Variants in MAGI2 observed in about 807,000 individuals in gnomAD.
The protein encoded by MAGI2 is membrane associated guanylate kinase, WW and PDZ domain containing 2, also known as membrane-associated guanylate kinase, WW and PDZ domain-containing protein 2.
MAGI2 carries 35 observed loss-of-function variants against 133.3 expected under a neutral mutation model. The ratio of observed to expected loss-of-function variants is 0.26; its 90% CI spans 0.20 to 0.35. The LOEUF is 0.35. Ranked by LOEUF, MAGI2 falls within the 10% of genes least tolerant of loss-of-function variation. MAGI2 has a pLI of 1.00. For missense variants in MAGI2, 1,636 were observed against 1,863.4 expected (o/e 0.88, Z 2.25); for synonymous variants, 729 against 710.6 (o/e 1.03, Z -0.41).
At chr7:78,830,824 A>C (rs895610485) in intron 2 of MAGI2, among the ~76,000 whole-genome samples, 2 of 152,160 alleles carry the variant, frequency 1.3e-5, no homozygotes, top group African/African-American at 4.8e-5. Context: ...CCAATTGGCA[A>C]TCTAGCTAGC....
intron 3 of MAGI2, among the ~76,000 whole-genome samples, chr7:78,525,066 T>A (rs1796834839): frequency 6.6e-6 from 1 of 152,158 alleles, no homozygotes; most frequent in Non-Finnish European, 1.5e-5. Flanking sequence ...TAACAGATCC[T>A]GCTAAATTTA....
rs1350417308 is a variant in MAGI2 at position 78,019,280 on chromosome 7, C to A, written c.*35G>T. ...GACGGAACCTAAGAAGAACTGCCTG[C>A]GCCGGGGCGGGCGGGTTGGCCGTGG... On this transcript the variant is annotated 3_prime_UTR_variant, in exon 22 of 22. Transcript: ENST00000354212. 8.9e-6 allele frequency: 14 copies of A among 1,574,220 alleles called. No individual in the cohort carries two copies. The highest frequency in any genetic ancestry group is 1.7e-4 in the Middle Eastern group (1 of 6,032).
chr7:78,086,230 T>A (rs539065686), intron 20 of MAGI2, among the ~76,000 whole-genome samples: 79 of 147,156 alleles, frequency 5.4e-4, no homozygotes, highest in African/African-American at 1.5e-3. Context: ...TTTTTTTTTT[T>A]AATTTTTAAT....
intron 2 of MAGI2, among the ~76,000 whole-genome samples, chr7:78,697,216 A>G (rs2151138391): frequency 6.6e-6 from 1 of 152,226 alleles, no homozygotes; most frequent in Non-Finnish European, 1.5e-5. Context: ...TGTCCTCTAC[A>G]TCACTGAGTT....
intron 2 of MAGI2, among the ~76,000 whole-genome samples, chr7:78,915,936 A>T (rs1180244123): frequency 1.3e-5 from 2 of 152,082 alleles, no homozygotes; most frequent in South Asian, 4.1e-4. Flanking sequence ...AATTATGTGG[A>T]TATCTGGGGA....
intron 1 of MAGI2, chr7:79,353,750 A>C: frequency 4.1e-6 from 1 of 246,812 alleles, no homozygotes; most frequent in Non-Finnish European, 8.4e-6. Context: ...CTAGGTCTGA[A>C]CCTGGATGCT....
chr7:78,044,551 C>T (rs367908962), intron 21 of MAGI2, among the ~76,000 whole-genome samples: 19 of 152,142 alleles, frequency 1.2e-4, no homozygotes, highest in Admixed American at 3.3e-4. Flanking sequence ...CTGGTTAGTA[C>T]GACAGTACAC....
chr7:78,614,321 T>C (rs1312616993), intron 3 of MAGI2: 1 of 151,714 alleles, frequency 6.6e-6, no homozygotes, highest in Admixed American at 6.6e-5. Flanking sequence ...GAGAAAACAT[T>C]TCCACATACT....
At chr7:78,069,246 C>T (rs1460422572) in intron 21 of MAGI2, among the ~76,000 whole-genome samples, 4 of 152,110 alleles carry the variant, frequency 2.6e-5, no homozygotes, top group African/African-American at 9.7e-5. Context: ...CAAGTAGAAA[C>T]TTCGGCAGGC....
chr7:78,382,737 C>A (rs2151295470), intron 6 of MAGI2, among the ~76,000 whole-genome samples: 1 of 152,034 alleles, frequency 6.6e-6, no homozygotes, highest in East Asian at 1.9e-4. Flanking sequence ...ACCCTTTAAC[C>A]CACTTTTCTT....
intron 10 of MAGI2, among the ~76,000 whole-genome samples, chr7:78,207,808 C>T (rs1170114668): frequency 3.9e-5 from 6 of 152,194 alleles, no homozygotes; most frequent in East Asian, 3.8e-4. Context: ...CCAAGCAATA[C>T]GTTCAATTTG....
chr7:79,127,360 C>T (rs910229286), intron 1 of MAGI2, among the ~76,000 whole-genome samples: 12 of 152,054 alleles, frequency 7.9e-5, no homozygotes, highest in Admixed American at 2.6e-4. Flanking sequence ...TTCTAGATCC[C>T]TGAGGAATCG....
At chr7:78,440,813 C>G (rs184546956) in intron 6 of MAGI2, among the ~76,000 whole-genome samples, 1 of 151,912 alleles carries the variant, frequency 6.6e-6, no homozygotes, top group Non-Finnish European at 1.5e-5. Flanking sequence ...ATTAGCCAGG[C>G]GTGGTAGTGG....
intron 1 of MAGI2, among the ~76,000 whole-genome samples, chr7:79,017,723 G>C (rs1808878425): frequency 6.6e-6 from 1 of 152,150 alleles, no homozygotes; most frequent in South Asian, 2.1e-4. Context: ...AGACAAAATG[G>C]ACATTATATG....
At chr7:78,925,235 T>C (rs10230752) in intron 2 of MAGI2, among the ~76,000 whole-genome samples, 18,642 of 152,074 alleles carry the variant, frequency 0.12, 2,635 homozygotes, top group African/African-American at 0.33. Flanking sequence ...TTCAATCCCT[T>C]TGATATGACT....
chr7:78,708,848 G>C (rs186275148), intron 2 of MAGI2, among the ~76,000 whole-genome samples: 1 of 115,236 alleles, frequency 8.7e-6, no homozygotes, highest in Non-Finnish European at 1.8e-5. Flanking sequence ...CAAACACTTT[G>C]ACTCTAATAC....
chr7:79,078,841 A>G (rs755976730), intron 1 of MAGI2, among the ~76,000 whole-genome samples: 1 of 152,166 alleles, frequency 6.6e-6, no homozygotes, highest in Non-Finnish European at 1.5e-5. Context: ...GTGCATATAA[A>G]TGTGTGTATG....
chr7:78,657,170 C>A (rs1455694176), intron 2 of MAGI2, among the ~76,000 whole-genome samples: 1 of 152,168 alleles, frequency 6.6e-6, no homozygotes, highest in East Asian at 1.9e-4. Flanking sequence ...ATCCAGAACA[C>A]AGACAACAAA....
chr7:78,776,875 C>T (rs1826028426), intron 2 of MAGI2, among the ~76,000 whole-genome samples: 1 of 152,142 alleles, frequency 6.6e-6, no homozygotes, highest in Non-Finnish European at 1.5e-5. Context: ...AGATTCTACT[C>T]TTGATGGTTT....
Sources: gnomAD v4.1 joint callset for allele counts (sites outside exome capture counted in the v4.1 genomes callset) on GRCh38, gnomAD v4.1.1 for gene constraint, MANE v1.5 for transcripts, NCBI Gene and HGNC (gene_info 2026-07-23, HGNC 2026-07-21) for gene names.